KLF17: variants seen among roughly 807,000 people sequenced by gnomAD.
KLF17 encodes the protein KLF transcription factor 17, also known as Krueppel-like factor 17.
A neutral mutation model predicts 34.2 loss-of-function variants in KLF17; 31 were observed. That is an observed-to-expected ratio of 0.91 (90% CI 0.68 to 1.22). The LOEUF is 1.22. Ranked by LOEUF, KLF17 falls within the 50% of genes most tolerant of loss-of-function variation. KLF17 has a pLI of 0.00. For missense variants in KLF17, 478 were observed against 505.2 expected (o/e 0.95, Z 0.52); for synonymous variants, 179 against 186.7 (o/e 0.96, Z 0.34).
the KLF17 span, among the ~76,000 whole-genome samples, chr1:44,058,951 G>T: frequency 6.6e-6 from 1 of 152,024 alleles, no homozygotes; most frequent in Non-Finnish European, 1.5e-5. Flanking sequence ...TCAACCAGGA[G>T]ACTTAGTCTT....
At chr1:44,116,117 A>G (rs2087877292), upstream of KLF17, among the ~76,000 whole-genome samples, 1 of 152,164 alleles carries the variant, frequency 6.6e-6, no homozygotes, top group Admixed American at 6.5e-5. Flanking sequence ...CCATGTTGGG[A>G]GAAACACTAG....
At chr1:44,057,811 G>A in the KLF17 span, among the ~76,000 whole-genome samples, 9 of 152,128 alleles carry the variant, frequency 5.9e-5, no homozygotes, top group Non-Finnish European at 1.2e-4. Flanking sequence ...TGGGTCACCA[G>A]GGCCCATGAA....
the KLF17 span, among the ~76,000 whole-genome samples, chr1:44,097,184 C>A: frequency 6.6e-6 from 1 of 151,526 alleles, no homozygotes; most frequent in South Asian, 2.1e-4. Context: ...GTCTATATAT[C>A]TGTTTTGGTA....
chr1:44,067,556 A>C, the KLF17 span, among the ~76,000 whole-genome samples: 2 of 152,180 alleles, frequency 1.3e-5, no homozygotes, highest in African/African-American at 4.8e-5. Context: ...AAGTGTGTGG[A>C]TACTGTCTTC....
At chr1:44,113,210 A>G in the KLF17 span, among the ~76,000 whole-genome samples, 2 of 152,226 alleles carry the variant, frequency 1.3e-5, no homozygotes, top group African/African-American at 4.8e-5. Context: ...AGAAATTTCA[A>G]GACAGCTTCT....
At chr1:44,093,266 G>A in the KLF17 span, among the ~76,000 whole-genome samples, 1 of 152,190 alleles carries the variant, frequency 6.6e-6, no homozygotes, top group Non-Finnish European at 1.5e-5. Flanking sequence ...ATACACATGT[G>A]GGCGTACCCT....
At chr1:44,130,312 AAGCT>A in intron 2 of KLF17, 116 bp downstream of exon 2, 1 of 1,479,238 alleles carries the variant, frequency 6.8e-7, no homozygotes, top group Non-Finnish European at 9.1e-7. Flanking sequence ...GCTTGGAACT[AAGCT>A]AGACTGGCCC....
chr1:44,130,155 C>G lies in KLF17; in HGVS notation c.884C>G (p.Thr295Ser). The G allele has an allele frequency of 1.2e-6, 2 of 1,613,890 alleles. No homozygotes were observed. Among genetic ancestry groups the G allele is most frequent in the Non-Finnish European group, 1.7e-6 (2 of 1,179,868 alleles). ...CNYENCGKAY[T>S]KRSHLVSHQR... The stretch of plus-strand genomic sequence containing the variant: ...TACGAGAACTGCGGAAAAGCTTATA[C>G]CAAACGCTCCCACCTCGTGAGCCAC... Residue 295 changes from threonine to serine, a missense_variant, in exon 2 of 4, where the codon ACC (threonine) becomes AGC (serine). Coordinates refer to ENST00000372299, the MANE Select transcript of KLF17 (RefSeq NM_173484.4).
upstream of KLF17, among the ~76,000 whole-genome samples, chr1:44,118,270 C>T (rs538130440): frequency 6.6e-6 from 1 of 152,112 alleles, no homozygotes; most frequent in East Asian, 1.9e-4. Context: ...ACTATTTTAC[C>T]CCTAGTTCAG....
rs1177451331 is a variant in KLF17 at position 44,130,220 on chromosome 1, G to A, written c.925+24G>A. The A allele has an allele frequency of 5.0e-6, 8 of 1,585,416 alleles. No homozygotes were observed. In the South Asian group the frequency reaches 7.0e-5, roughly 14 times the overall value. On this transcript the variant is annotated intron_variant, in intron 2 of 3. Coordinates refer to ENST00000372299, the MANE Select transcript of KLF17 (RefSeq NM_173484.4). ...AGGTGAAGGAGGTGTCAGGTGGGGT[G>A]GGGATGGAGGAGTCTCTGGGCTTTA... is the stretch of plus-strand genomic sequence containing the variant.
At chr1:44,104,362 T>C in the KLF17 span, 1 of 1,159,250 alleles carries the variant, frequency 8.6e-7, no homozygotes, top group Non-Finnish European at 1.2e-6. Flanking sequence ...TGGAACATGT[T>C]GTCCGTGTTG....
chr1:44,076,855 G>A, the KLF17 span: 1 of 148,850 alleles, frequency 6.7e-6, no homozygotes, highest in Non-Finnish European at 1.5e-5. Context: ...CTCCCAAGTA[G>A]CTGGAACTAC....
the KLF17 span, among the ~76,000 whole-genome samples, chr1:44,071,023 C>T: frequency 6.6e-6 from 1 of 152,032 alleles, no homozygotes; most frequent in Non-Finnish European, 1.5e-5. Flanking sequence ...GCGGTCAAAC[C>T]TCTTCCTCAC....
At chr1:44,068,956 A>C in the KLF17 span, among the ~76,000 whole-genome samples, 4 of 152,182 alleles carry the variant, frequency 2.6e-5, no homozygotes. Flanking sequence ...GAGTGGCCTT[A>C]GAATCCTTAC....
At position 44,129,944 on chromosome 1, in the gene KLF17, G is replaced by T. The variant is rs2088085399; in HGVS notation, c.673G>T (p.Ala225Ser). The change falls in exon 2 of 4, where the codon GCT becomes TCT. Residue 225 changes from alanine (A) to serine (S), a missense_variant. Physicochemically the swap from Ala to Ser is moderately conservative, Grantham distance 99 (BLOSUM62 1). Coordinates refer to ENST00000372299, the MANE Select transcript of KLF17 (RefSeq NM_173484.4). ...QDAHDLGMPP[A>S]ESQSLLVLGS... ...TGCCCATGACCTTGGGATGCCCCCA[G>T]CTGAGTCCCAGTCATTGCTGGTTTT... The T allele has an allele frequency of 6.2e-7, 1 of 1,614,042 alleles. No individual in the cohort carries two copies. The highest frequency in any genetic ancestry group is 8.5e-7 in the Non-Finnish European group (1 of 1,180,038).
At chr1:44,111,654 G>A in the KLF17 span, among the ~76,000 whole-genome samples, 1 of 152,072 alleles carries the variant, frequency 6.6e-6, no homozygotes, top group Non-Finnish European at 1.5e-5. Flanking sequence ...AGCACTTTGG[G>A]AGGCCGAGGT....
the KLF17 span, among the ~76,000 whole-genome samples, chr1:44,094,236 G>A: frequency 1.1e-4 from 16 of 152,032 alleles, no homozygotes; most frequent in African/African-American, 3.6e-4. Flanking sequence ...TTATGTATTC[G>A]ATTATTAATC....
the KLF17 span, among the ~76,000 whole-genome samples, chr1:44,100,543 A>G: frequency 6.6e-6 from 1 of 152,234 alleles, no homozygotes; most frequent in Non-Finnish European, 1.5e-5. Flanking sequence ...AATGAATAAC[A>G]TAACCGCACT....
the KLF17 span, among the ~76,000 whole-genome samples, chr1:44,044,271 A>G: frequency 3.9e-5 from 6 of 152,236 alleles, no homozygotes; most frequent in African/African-American, 1.2e-4. Flanking sequence ...TGGTTGACAG[A>G]AAGTCTTGGG....
Sources: gnomAD v4.1 joint callset for allele counts (sites outside exome capture counted in the v4.1 genomes callset) on GRCh38, gnomAD v4.1.1 for gene constraint, MANE v1.5 for transcripts, NCBI Gene and HGNC (gene_info 2026-07-23, HGNC 2026-07-21) for gene names.